The following CCSER1 variants were observed in gnomAD, a reference collection of about 807,000 sequenced individuals.
CCSER1 encodes serine-rich coiled-coil domain-containing protein 1.
Under a neutral mutation model 82.0 loss-of-function variants are expected in CCSER1, and 41 were observed. The ratio of observed to expected loss-of-function variants is 0.50; its 90% CI spans 0.39 to 0.65. The LOEUF (loss-of-function observed/expected upper bound fraction) is 0.65, where lower values mean the gene tolerates loss of function less well. Ranked by LOEUF, CCSER1 falls within the 30% of genes least tolerant of loss-of-function variation. CCSER1 has a pLI of 0.00. For synonymous variants in CCSER1, 414 were observed against 383.9 expected (o/e 1.08, Z -0.92); for missense variants, 1,119 against 1,064.2 (o/e 1.05, Z -0.72).
At chr4:90,221,977 T>C (rs2153421659) in intron 1 of CCSER1, among the ~76,000 whole-genome samples, 1 of 152,320 alleles carries the variant, frequency 6.6e-6, no homozygotes, top group East Asian at 1.9e-4. Context: ...GTTTTTTCTT[T>C]GTAATATTCT....
intron 3 of CCSER1, among the ~76,000 whole-genome samples, chr4:90,353,848 T>A (rs1743936222): frequency 6.6e-6 from 1 of 152,328 alleles, no homozygotes; most frequent in East Asian, 1.9e-4. Flanking sequence ...GGCCTCATGC[T>A]GGAAGCCATT....
intron 10 of CCSER1, among the ~76,000 whole-genome samples, chr4:91,101,104 G>T (rs1442376817): frequency 1.3e-5 from 2 of 152,070 alleles, no homozygotes; most frequent in African/African-American, 4.8e-5. Flanking sequence ...AATCACTGTG[G>T]GATGATAAAA....
chr4:90,674,431 C>T (rs950829411), intron 6 of CCSER1, among the ~76,000 whole-genome samples: 4 of 151,490 alleles, frequency 2.6e-5, no homozygotes, highest in Non-Finnish European at 2.9e-5. Context: ...CTGAGAGAAG[C>T]GACAATACTT....
At chr4:91,595,115 A>G (rs1764505238) in intron 10 of CCSER1, among the ~76,000 whole-genome samples, 1 of 152,022 alleles carries the variant, frequency 6.6e-6, no homozygotes, top group African/African-American at 2.4e-5. Context: ...GGGCCTGCCA[A>G]TGTCCAATAA....
At chr4:91,192,209 A>G (rs1279138204) in intron 10 of CCSER1, among the ~76,000 whole-genome samples, 1 of 151,318 alleles carries the variant, frequency 6.6e-6, no homozygotes, top group Non-Finnish European at 1.5e-5. Flanking sequence ...TTTTCCCCCC[A>G]TGGACTTGCC....
Position 91,599,060 on chromosome 4 carries a change from A to T in CCSER1, c.*3A>T. The T allele has an allele frequency of 6.5e-7, 1 of 1,532,022 alleles. No individual in the cohort carries two copies. Among genetic ancestry groups the T allele is most frequent in the South Asian group, 1.2e-5 (1 of 82,220 alleles). The allele number at this position is 1,532,022 out of a possible 1,614,324, so 94.9% of individuals were successfully genotyped here. A position where few individuals can be genotyped will look rare whatever the true frequency, so the allele number is the denominator to read the frequency against. The stretch of plus-strand genomic sequence containing the variant: ...CTCTAGGCCAGCAGGATGGGTAATT[A>T]AATCACCGTATTCCTGTCTTTGGGT... On this transcript the variant is annotated 3_prime_UTR_variant, in exon 11 of 11. Transcript: ENST00000509176.
chr4:90,597,022 T>A (rs1225409399), intron 5 of CCSER1, among the ~76,000 whole-genome samples: 1 of 151,994 alleles, frequency 6.6e-6, no homozygotes, highest in Non-Finnish European at 1.5e-5. Flanking sequence ...TTCTCAGTCA[T>A]GATTAGTTAG....
intron 7 of CCSER1, among the ~76,000 whole-genome samples, chr4:90,792,259 ATTC>A (rs1238937994): frequency 6.6e-5 from 10 of 152,106 alleles, no homozygotes; most frequent in Non-Finnish European, 1.0e-4. Flanking sequence ...TTATTTTTGT[ATTC>A]TTCTTCATTG....
At chr4:90,925,332 A>G (rs1241590855) in intron 9 of CCSER1, among the ~76,000 whole-genome samples, 1 of 152,160 alleles carries the variant, frequency 6.6e-6, no homozygotes, top group Non-Finnish European at 1.5e-5. Flanking sequence ...CTAGTCTTTT[A>G]TTTAAGGTAA....
intron 10 of CCSER1, among the ~76,000 whole-genome samples, chr4:91,572,558 C>A (rs1763235570): frequency 6.6e-6 from 1 of 152,118 alleles, no homozygotes. Flanking sequence ...AGATTGCTAT[C>A]CCAGGGAGAA....
intron 6 of CCSER1, among the ~76,000 whole-genome samples, chr4:90,709,850 G>A (rs1363469345): frequency 6.6e-6 from 1 of 151,774 alleles, no homozygotes; most frequent in East Asian, 1.9e-4. Flanking sequence ...GGTCTTTGAG[G>A]AATTACCACA....
chr4:91,237,156 T>A (rs1739073677), intron 10 of CCSER1, among the ~76,000 whole-genome samples: 1 of 152,086 alleles, frequency 6.6e-6, no homozygotes, highest in Non-Finnish European at 1.5e-5. Flanking sequence ...ATAAAATCAA[T>A]GAATATTATA....
intron 10 of CCSER1, among the ~76,000 whole-genome samples, chr4:91,291,900 G>A (rs1743777009): frequency 6.6e-6 from 1 of 152,028 alleles, no homozygotes; most frequent in Non-Finnish European, 1.5e-5. Flanking sequence ...ATAAATTATT[G>A]AAAGATTAAT....
At chr4:90,963,803 T>C (rs1734273353) in intron 9 of CCSER1, among the ~76,000 whole-genome samples, 1 of 152,192 alleles carries the variant, frequency 6.6e-6, no homozygotes, top group Admixed American at 6.5e-5. Flanking sequence ...GTGGCTGCCT[T>C]TAGCAAACTA....
At chr4:90,573,075 T>A (rs1780304366) in intron 5 of CCSER1, among the ~76,000 whole-genome samples, 1 of 152,192 alleles carries the variant, frequency 6.6e-6, no homozygotes, top group Non-Finnish European at 1.5e-5. Flanking sequence ...CAACAGCAGG[T>A]GTGACTCCTG....
Position 91,055,932 on chromosome 4 carries a change from T to G in CCSER1, c.2173-30018T>G, listed in dbSNP as rs568113991. 3.8e-3 allele frequency among the ~76,000 whole-genome samples: 575 copies of G among 152,214 alleles called. 1 individual carries two copies. Among genetic ancestry groups the G allele is most frequent in the African/African-American group, 0.013 (537 of 41,554 alleles). ...ACTCAATAATTTCAATGGTCCTGTC[T>G]TCACATTCATGCATCCTTTCTTTTA... On this transcript the variant is annotated intron_variant, in intron 9 of 10. Transcript: ENST00000509176.
intron 10 of CCSER1, among the ~76,000 whole-genome samples, chr4:91,378,199 G>C (rs970721174): frequency 6.6e-6 from 1 of 152,112 alleles, no homozygotes; most frequent in African/African-American, 2.4e-5. Flanking sequence ...CTCCAACTTT[G>C]TTCTTTTGGC....
At chr4:91,170,147 G>A (rs2081189306) in intron 10 of CCSER1, among the ~76,000 whole-genome samples, 1 of 152,130 alleles carries the variant, frequency 6.6e-6, no homozygotes, top group Admixed American at 6.5e-5. Context: ...GACATCTTAA[G>A]TCATTACCTT....
chr4:90,493,022 AT>A, intron 5 of CCSER1, among the ~76,000 whole-genome samples: 1 of 152,152 alleles, frequency 6.6e-6, no homozygotes. Flanking sequence ...TTGAAAAAAG[AT>A]TAGACAAATG....
Sources: allele counts gnomAD v4.1 joint callset (sites outside exome capture counted in the v4.1 genomes callset), GRCh38; gene constraint gnomAD v4.1.1; transcripts MANE v1.5; gene names NCBI Gene and HGNC (gene_info 2026-07-23, HGNC 2026-07-21).